Variants in SYN3 observed in about 807,000 individuals in gnomAD.
SYN3 encodes synapsin III.
In SYN3, 35 loss-of-function variants were observed where a neutral mutation model predicts 65.8. That is an observed-to-expected ratio of 0.53 (90% confidence interval 0.41 to 0.70). The LOEUF (loss-of-function observed/expected upper bound fraction) is 0.70. SYN3 is among the 30% of genes least tolerant of loss of function. The pLI is 0.00. For missense variants in SYN3, 680 were observed against 749.0 expected (o/e 0.91, Z 1.08); for synonymous variants, 270 against 292.9 (o/e 0.92, Z 0.80).
chr22:32,941,808 G>A lies in SYN3; in HGVS notation c.370-10327C>T, dbSNP rs139803949. Among the ~76,000 whole-genome samples the A allele has an allele frequency of 5.4e-3, 815 of 152,310 alleles. 7 individuals are homozygous for A. Among genetic ancestry groups the A allele is most frequent in the African/African-American group, 0.019 (782 of 41,570 alleles). On this transcript the variant is annotated intron_variant, in intron 3 of 13. Coordinates refer to ENST00000358763, the MANE Select transcript of SYN3 (RefSeq NM_003490.4). ...AGTACACCAGGAGATTATATCCTGC[G>A]CCTGGCTCAGAGGATCCCACGCCCA...
chr22:32,589,529 C>T (rs1005446770), intron 7 of SYN3, among the ~76,000 whole-genome samples: 2 of 152,182 alleles, frequency 1.3e-5, no homozygotes, highest in African/African-American at 4.8e-5. Flanking sequence ...AATACTTAAT[C>T]TCTTGAAACT....
chr22:33,045,189 CA>C (rs2145950423), intron 1 of SYN3, among the ~76,000 whole-genome samples: 1 of 152,298 alleles, frequency 6.6e-6, no homozygotes, highest in East Asian at 1.9e-4. Flanking sequence ...GCTGTCCAGA[CA>C]GCTAGCCTTG....
At chr22:32,929,186 G>A (rs1295119607) in intron 4 of SYN3, among the ~76,000 whole-genome samples, 3 of 152,134 alleles carry the variant, frequency 2.0e-5, no homozygotes, top group East Asian at 3.9e-4. Flanking sequence ...GGAGGCTGAG[G>A]CAGAAGAATT....
intron 4 of SYN3, among the ~76,000 whole-genome samples, chr22:32,869,701 T>G (rs1156578759): frequency 1.5e-5 from 2 of 137,434 alleles, no homozygotes; most frequent in Admixed American, 1.4e-4. Flanking sequence ...TTTTTTTTTT[T>G]TTTTTTTTTT....
At chr22:33,008,600 G>A (rs1160290690) in intron 1 of SYN3, among the ~76,000 whole-genome samples, 2 of 151,960 alleles carry the variant, frequency 1.3e-5, no homozygotes, top group African/African-American at 4.8e-5. Flanking sequence ...ACCACAAATT[G>A]CTACTCCATT....
At chr22:32,561,308 G>C (rs1240427551) in intron 7 of SYN3, among the ~76,000 whole-genome samples, 2 of 152,154 alleles carry the variant, frequency 1.3e-5, no homozygotes, top group Non-Finnish European at 2.9e-5. Flanking sequence ...TCATCACCAG[G>C]ACTTCATGGT....
At chr22:32,906,618 G>A (rs2049909559) in intron 4 of SYN3, among the ~76,000 whole-genome samples, 1 of 152,072 alleles carries the variant, frequency 6.6e-6, no homozygotes, top group African/African-American at 2.4e-5. Context: ...TTTAAGTCCT[G>A]CATGCATTAG....
intron 6 of SYN3, among the ~76,000 whole-genome samples, chr22:32,840,187 G>C (rs2047853457): frequency 6.6e-6 from 1 of 152,192 alleles, no homozygotes; most frequent in Non-Finnish European, 1.5e-5. Flanking sequence ...TTTTCTGAGT[G>C]TGTGTCTTTG....
At chr22:32,733,012 G>T (rs1036837636) in intron 6 of SYN3, among the ~76,000 whole-genome samples, 3 of 152,158 alleles carry the variant, frequency 2.0e-5, no homozygotes, top group Non-Finnish European at 4.4e-5. Context: ...TCAAACTCAG[G>T]ATAGTTAAAC....
At chr22:32,756,518 T>A (rs908014666) in intron 6 of SYN3, among the ~76,000 whole-genome samples, 1 of 152,222 alleles carries the variant, frequency 6.6e-6, no homozygotes, top group African/African-American at 2.4e-5. Flanking sequence ...CCGACTGATA[T>A]AGTTTGGATG....
At chr22:32,822,467 G>T (rs943339518) in intron 6 of SYN3, among the ~76,000 whole-genome samples, 1 of 152,198 alleles carries the variant, frequency 6.6e-6, no homozygotes, top group African/African-American at 2.4e-5. Flanking sequence ...CTGGTGTGAC[G>T]TCTGGGGAGG....
intron 13 of SYN3, 113 bp from the exon 14 acceptor site, chr22:32,513,937 T>C (rs760230404): frequency 1.4e-5 from 19 of 1,367,362 alleles, no homozygotes; most frequent in Admixed American, 2.2e-5. Context: ...CATAAGGTTA[T>C]GAAGACCAGA....
intron 2 of SYN3, among the ~76,000 whole-genome samples, chr22:33,000,633 A>AG: frequency 6.6e-6 from 1 of 152,308 alleles, no homozygotes; most frequent in South Asian, 2.1e-4. Context: ...AGGGTAGAAA[A>AG]GGGGGCAGCA....
intron 6 of SYN3, among the ~76,000 whole-genome samples, chr22:32,603,250 T>C (rs1019310958): frequency 1.3e-5 from 2 of 151,502 alleles, no homozygotes; most frequent in Non-Finnish European, 2.9e-5. Context: ...CGGTGGCTCA[T>C]GCCTGTAATC....
chr22:32,814,351 G>GAAAGAAAGAGAGAAAGAA (rs1555970165), intron 6 of SYN3, among the ~76,000 whole-genome samples: 4 of 14,592 alleles, frequency 2.7e-4, no homozygotes, highest in Admixed American at 9.3e-4. Context: ...GAAAGAAAGA[G>GAAAGAAAGAGAGAAAGAA]AGAAAGAAAG....
rs2048402854 is a variant in SYN3, at chr22:32,857,480, C to T, written c.711+7435G>A. 5.0e-6 allele frequency: 4 copies of T among 803,022 alleles called. No homozygotes were observed. In the Admixed American group the frequency reaches 5.9e-5, roughly 12 times the overall value. 49.7% of individuals were successfully genotyped at this position (803,022 alleles called of 1,614,324 possible). ...ATGTCCAGTAAATTGTAAGGAGTCT[C>T]TAATGTTGAATTCATCCCACTTACC... is the stretch of plus-strand genomic sequence containing the variant. On this transcript the variant is annotated intron_variant, in intron 6 of 13. Transcript: ENST00000358763.
intron 2 of SYN3, among the ~76,000 whole-genome samples, chr22:32,990,438 ATCC>A (rs2052679349): frequency 1.3e-5 from 2 of 151,452 alleles, no homozygotes. Flanking sequence ...CCATCCATCC[ATCC>A]ATCCATCCAT....
At chr22:32,833,999 T>C (rs1051961094) in intron 6 of SYN3, among the ~76,000 whole-genome samples, 8 of 152,194 alleles carry the variant, frequency 5.3e-5, no homozygotes, top group Non-Finnish European at 1.2e-4. Context: ...TCTGTGTCAG[T>C]GTTTGACCAA....
chr22:32,755,830 C>T (rs1400326843), intron 6 of SYN3, among the ~76,000 whole-genome samples: 1 of 152,108 alleles, frequency 6.6e-6, no homozygotes, highest in Non-Finnish European at 1.5e-5. Context: ...AACCTACGTA[C>T]ACAATTTTTT....
Sources: gnomAD v4.1 joint callset for allele counts (sites outside exome capture counted in the v4.1 genomes callset) on GRCh38, gnomAD v4.1.1 for gene constraint, MANE v1.5 for transcripts, NCBI Gene and HGNC (gene_info 2026-07-23, HGNC 2026-07-21) for gene names.